DNAH14: variants seen among roughly 807,000 people sequenced by gnomAD.
The protein encoded by DNAH14 is axonemal beta dynein heavy chain 14.
In DNAH14, 478 loss-of-function variants were observed where a neutral mutation model predicts 520.9. The observed-to-expected ratio is 0.92, with a 90% CI of 0.85 to 0.99. The LOEUF is 0.99. DNAH14 is among the 50% of genes least tolerant of loss of function. The pLI, the probability that DNAH14 is intolerant of heterozygous loss-of-function variation, is 0.00. For missense variants in DNAH14, 4,831 were observed against 5,234.5 expected (o/e 0.92, Z 2.38); for synonymous variants, 1,581 against 1,757.2 (o/e 0.90, Z 2.51).
chr1:225,152,252 G>C (rs1236397422), intron 32 of DNAH14, among the ~76,000 whole-genome samples, 179 bp downstream of exon 32: 1 of 152,082 alleles, frequency 6.6e-6, no homozygotes, highest in Non-Finnish European at 1.5e-5. Flanking sequence ...TGTTCATATG[G>C]ATAAGGATAA....
At chr1:225,028,395 C>T (rs1420339892) in intron 11 of DNAH14, among the ~76,000 whole-genome samples, 1 of 151,760 alleles carries the variant, frequency 6.6e-6, no homozygotes, top group Non-Finnish European at 1.5e-5. Context: ...TTTTATCTAA[C>T]TTATTTAAAC....
At chr1:225,233,554 A>G (rs2091315410) in intron 42 of DNAH14, among the ~76,000 whole-genome samples, 1 of 152,144 alleles carries the variant, frequency 6.6e-6, no homozygotes, top group African/African-American at 2.4e-5. Context: ...GTCTCTAATG[A>G]TCAGTGATGT....
chr1:225,398,652 T>C lies in DNAH14; in HGVS notation c.13624T>C (p.Phe4542Leu). Residue 4542 changes from phenylalanine to leucine, a missense_variant, in exon 85 of 86, where the codon TTT becomes CTT. Coordinates refer to ENST00000682510, the MANE Select transcript of DNAH14 (RefSeq NM_001367479.1). Reference sequence around the variant, plus strand: ...GTGCTGTGATTTTCCCGACATATACTTTTTGCCAACAAAGGTAATCACCCT... The same window carrying C: ...GTGCTGTGATTTTCCCGACATATACCTTTTGCCAACAAAGGTAATCACCCT... ...EMCCDFPDIYFLPTKISTKTP... is the reference protein window; with the variant it reads ...EMCCDFPDIYLLPTKISTKTP... 2 of 1,551,630 alleles carry C rather than the reference T, an allele frequency of 1.3e-6. No individual in the cohort carries two copies. Among genetic ancestry groups the C allele is most frequent in the Non-Finnish European group, 1.7e-6 (2 of 1,146,914 alleles).
intron 60 of DNAH14, among the ~76,000 whole-genome samples, chr1:225,314,100 T>C (rs2094422109): frequency 6.6e-6 from 1 of 152,236 alleles, no homozygotes; most frequent in Non-Finnish European, 1.5e-5. Context: ...TCTAAGAATT[T>C]GCTTTATGAA....
Position 225,079,326 on chromosome 1 carries a change from C to A in DNAH14, c.2544C>A (p.Phe848Leu), listed in dbSNP as rs182582660. Residue 848 changes from phenylalanine to leucine, a missense_variant, in exon 18 of 86, where the codon TTC (phenylalanine) becomes TTA (leucine). Phe to Leu is a conservative substitution (Grantham distance 22). Transcript: ENST00000682510. ...AAATATCTAAATTAGAAAAAGAGTT[C>A]TTAACAATGTCTCAGCTATATTCTG... ...SSKISKLEKEFLTMSQLYSVA... is the reference protein window; with the variant it reads ...SSKISKLEKELLTMSQLYSVA... 33 of 1,550,396 alleles carry A rather than the reference C, an allele frequency of 2.1e-5. 1 individual carries two copies. In the East Asian group the frequency reaches 7.6e-4, roughly 36 times the overall value.
In DNAH14 at chr1:225,337,363, A is replaced by G. The variant is rs1487477320; in HGVS notation, c.10178A>G (p.Asp3393Gly). The G allele has an allele frequency of 6.4e-7, 1 of 1,551,630 alleles. No homozygotes were observed. Among genetic ancestry groups the G allele is most frequent in the Non-Finnish European group, 8.7e-7 (1 of 1,146,968 alleles). Residue 3393 changes from aspartate to glycine, a missense_variant, in exon 67 of 86, where the codon GAC becomes GGC. Asp to Gly is a moderately conservative substitution (Grantham distance 94). Coordinates refer to ENST00000682510, the MANE Select transcript of DNAH14 (RefSeq NM_001367479.1). ...KNGQQWPLLI[D>G]PHRQAHKWIR... ...GGCCAGCAGTGGCCACTGCTGATTG[A>G]CCCACATAGGCAAGCTCACAAATGG...
intron 11 of DNAH14, among the ~76,000 whole-genome samples, chr1:225,025,977 G>T (rs2066084613): frequency 6.6e-6 from 1 of 151,696 alleles, no homozygotes; most frequent in South Asian, 2.1e-4. Context: ...CAAACTCTTT[G>T]TTCATTTTTA....
intron 68 of DNAH14, 112 bp downstream of exon 68, chr1:225,338,294 T>C (rs575002740): frequency 4.6e-6 from 6 of 1,301,152 alleles, no homozygotes; most frequent in Middle Eastern, 2.0e-4. Flanking sequence ...AAAAGTAAGA[T>C]TGTCTTTGGA....
At chr1:225,006,901 C>T (rs1031350409) in intron 9 of DNAH14, among the ~76,000 whole-genome samples, 12 of 152,090 alleles carry the variant, frequency 7.9e-5, no homozygotes, top group Admixed American at 1.3e-4. Context: ...CGGAATCTGC[C>T]GATATGTGAT....
intron 76 of DNAH14, 46 bp from the exon 77 acceptor site, chr1:225,367,759 C>A (rs1477101351): frequency 7.4e-7 from 1 of 1,352,632 alleles, no homozygotes; most frequent in Non-Finnish European, 1.0e-6. Context: ...AAGACCAGTG[C>A]CTGCATCTGT....
At chr1:225,042,706 G>T in intron 12 of DNAH14, 129 bp from the exon 13 acceptor site, 1 of 950,922 alleles carries the variant, frequency 1.1e-6, no homozygotes, top group Non-Finnish European at 1.5e-6. Flanking sequence ...TCAGGTATTT[G>T]GTAATACAGT....
At chr1:225,098,578 G>A (rs2075190410) in intron 22 of DNAH14, among the ~76,000 whole-genome samples, 1 of 152,180 alleles carries the variant, frequency 6.6e-6, no homozygotes, top group Admixed American at 6.5e-5. Flanking sequence ...TTAAATTTAA[G>A]TATTGCTTTG....
At chr1:225,026,370 T>A (rs2066121501) in intron 11 of DNAH14, among the ~76,000 whole-genome samples, 1 of 152,152 alleles carries the variant, frequency 6.6e-6, no homozygotes, top group Admixed American at 6.6e-5. Flanking sequence ...TGTTTTTATC[T>A]AAGATCTTAT....
chr1:225,040,340 T>C (rs768096224), intron 12 of DNAH14, among the ~76,000 whole-genome samples: 4 of 152,218 alleles, frequency 2.6e-5, no homozygotes, highest in Non-Finnish European at 4.4e-5. Flanking sequence ...ACTATGTAGT[T>C]TGAAGTTTGA....
chr1:225,355,248 G>T (rs895399945), intron 73 of DNAH14, among the ~76,000 whole-genome samples: 1 of 152,032 alleles, frequency 6.6e-6, no homozygotes, highest in Non-Finnish European at 1.5e-5. Flanking sequence ...CAACAAGAAA[G>T]TCTTTCTCTT....
intron 2 of DNAH14, 59 bp from the exon 3 acceptor site, chr1:224,954,900 G>T: frequency 7.2e-7 from 1 of 1,381,266 alleles, no homozygotes; most frequent in Non-Finnish European, 1.0e-6. Flanking sequence ...TAATAGCTCA[G>T]TATTTTATTG....
chr1:225,370,800 A>G (rs897083884), intron 77 of DNAH14, among the ~76,000 whole-genome samples: 1 of 152,126 alleles, frequency 6.6e-6, no homozygotes, highest in African/African-American at 2.4e-5. Context: ...AAAAGGAAAA[A>G]TACATTTTAA....
intron 8 of DNAH14, among the ~76,000 whole-genome samples, chr1:224,987,187 C>T (rs1572264289): frequency 6.6e-6 from 1 of 151,908 alleles, no homozygotes; most frequent in Non-Finnish European, 1.5e-5. Flanking sequence ...AAACTAGAGT[C>T]CCAGGAGATG....
chr1:225,290,610 T>C (rs1004486949), intron 55 of DNAH14, among the ~76,000 whole-genome samples: 8 of 142,460 alleles, frequency 5.6e-5, no homozygotes, highest in Non-Finnish European at 9.1e-5. Context: ...TGTGTGTGTG[T>C]GTATGTGTGT....
Sources: gnomAD v4.1 joint callset for allele counts (sites outside exome capture counted in the v4.1 genomes callset) on GRCh38, gnomAD v4.1.1 for gene constraint, MANE v1.5 for transcripts, NCBI Gene and HGNC (gene_info 2026-07-23, HGNC 2026-07-21) for gene names.